PROC: variants seen among roughly 807,000 people sequenced by gnomAD.
PROC encodes the protein vitamin K-dependent protein C.
In PROC, 22 loss-of-function variants were observed where a neutral mutation model predicts 36.3. The observed-to-expected ratio is 0.61, with a 90% CI of 0.43 to 0.86. The LOEUF is 0.86. Among genes scored for constraint, PROC ranks in the 40% least tolerant of loss-of-function variants. The pLI, the probability that PROC is intolerant of heterozygous loss-of-function variation, is 0.00. For synonymous variants in PROC, 218 were observed against 244.5 expected, an observed-to-expected ratio of 0.89 and a Z score of 1.01; for missense variants, 526 against 629.7, an observed-to-expected ratio of 0.84 and a Z score of 1.76.
In PROC at chr2:127,419,937, T is replaced by C; in HGVS notation, c.-6T>C. 1 of 1,613,910 alleles carries C rather than the reference T, an allele frequency of 6.2e-7. No homozygotes were observed. Among genetic ancestry groups the C allele is most frequent in the Admixed American group, 1.7e-5 (1 of 60,024 alleles). On this transcript the variant is annotated 5_prime_UTR_variant, in exon 2 of 9. Coordinates refer to ENST00000234071, the MANE Select transcript of PROC (RefSeq NM_000312.4). ...TCCTCCTCAGACAGGTGCCAGTGCCTCCAGAATGTGGCAGCTCACAAGCCT... is the reference window on the plus strand; with the variant it reads ...TCCTCCTCAGACAGGTGCCAGTGCCCCCAGAATGTGGCAGCTCACAAGCCT...
intron 6 of PROC, chr2:127,423,649 C>T (rs1227255805): frequency 2.0e-6 from 1 of 509,934 alleles, no homozygotes; most frequent in Non-Finnish European, 3.1e-6. Context: ...TCCCCGCCTT[C>T]CTCCGGGCGC....
intron 3 of PROC, 102 bp from the exon 4 acceptor site, chr2:127,422,815 C>A: frequency 6.8e-7 from 1 of 1,463,600 alleles, no homozygotes; most frequent in Non-Finnish European, 9.2e-7. Context: ...TGTCTGGAAG[C>A]CCTCCCCTCC....
In PROC at chr2:127,420,951, C is replaced by T. The variant is rs2069917; in HGVS notation, c.71-332C>T. ...GGACTGTATTGGATGTTTTACATGA[C>T]GGTCTCATCCCCATGTTTTTGGATG... is the stretch of plus-strand genomic sequence containing the variant. On this transcript the variant is annotated intron_variant, in intron 2 of 8. Transcript: ENST00000234071. Among the ~76,000 whole-genome samples the T allele has an allele frequency of 9.2e-3, 1,406 of 152,268 alleles. 12 individuals are homozygous for T. Among genetic ancestry groups the T allele is most frequent in the African/African-American group, 0.032 (1,332 of 41,544 alleles).
chr2:127,425,473 G>A (rs1268443004), intron 6 of PROC, among the ~76,000 whole-genome samples: 1 of 152,116 alleles, frequency 6.6e-6, no homozygotes, highest in Non-Finnish European at 1.5e-5. Flanking sequence ...TGGCAGGGAG[G>A]CCTCACAAAC....
At chr2:127,423,664 T>G (rs1451344355) in intron 6 of PROC, 2 of 500,488 alleles carry the variant, frequency 4.0e-6, no homozygotes, top group East Asian at 3.7e-5. Context: ...GGGCGCCCCC[T>G]GCGCACCTGG....
In PROC at chr2:127,428,337, C is replaced by T; in HGVS notation, c.797-20C>T. ...AGAGGCTCCCCGCAGCCCACTCTGA[C>T]TGTGCCCTCTGCCCTGCAGGAGAGT... On this transcript the variant is annotated intron_variant, in intron 8 of 8. Transcript: ENST00000234071. The T allele has an allele frequency of 8.1e-6, 13 of 1,612,060 alleles. No individual in the cohort carries two copies. The highest frequency in any genetic ancestry group is 1.1e-5 in the Non-Finnish European group (13 of 1,179,004).
chr2:127,419,783 C>T (rs1362384076), intron 1 of PROC, 139 bp from the exon 2 acceptor site: 13 of 1,523,752 alleles, frequency 8.5e-6, no homozygotes, highest in Non-Finnish European at 1.1e-5. Context: ...ATGTCTCTAG[C>T]GAACAAGGAC....
At position 127,428,769 on chromosome 2, in the gene PROC, G is replaced by A; in HGVS notation, c.1209G>A (p.Gly403=). 1 of 1,612,916 alleles carries A rather than the reference G, an allele frequency of 6.2e-7. No individual in the cohort carries two copies. Among genetic ancestry groups the A allele is most frequent in the South Asian group, 1.1e-5 (1 of 91,080 alleles). Residue 403 remains glycine, a synonymous_variant, in exon 9 of 9, where the codon GGG becomes GGA. Transcript: ENST00000234071. ...AGGATGCCTGCGAGGGCGACAGTGG[G>A]GGGCCCATGGTCGCCTCCTTCCACG... ...DRQDACEGDS[G]GPMVASFHGT... is the part of the protein sequence containing the mutation.
chr2:127,426,381 G>A lies in PROC; in HGVS notation c.678+154G>A. On this transcript the variant is annotated intron_variant, in intron 7 of 8. Coordinates refer to ENST00000234071, the MANE Select transcript of PROC (RefSeq NM_000312.4). The surrounding 1 kb of genome is among the most constrained non-coding windows in gnomAD (Gnocchi z 7.0). ...GTGGGGGATGCTTCAGGGAAAGATG[G>A]ACGCAACCTGAGGGGAGAGGAGCAG... The A allele has an allele frequency of 8.8e-7, 1 of 1,142,340 alleles. No homozygotes were observed. Among genetic ancestry groups the A allele is most frequent in the Non-Finnish European group, 1.2e-6 (1 of 803,898 alleles). The allele number at this position is 1,142,340 out of a possible 1,614,324, so 70.8% of individuals were successfully genotyped here.
At chr2:127,422,882 C>A in intron 3 of PROC, 35 bp from the exon 4 acceptor site, 1 of 1,550,146 alleles carries the variant, frequency 6.5e-7, no homozygotes, top group Non-Finnish European at 8.7e-7. Context: ...CGCACACCGG[C>A]TGCAGGAGCC....
At chr2:127,424,512 T>G (rs995963782) in intron 6 of PROC, among the ~76,000 whole-genome samples, 42 of 152,200 alleles carry the variant, frequency 2.8e-4, no homozygotes, top group Admixed American at 2.8e-3. Flanking sequence ...TTCAGGGAAC[T>G]TTCTACAACT....
rs121918151 is a variant in PROC at position 127,428,426 on chromosome 2, C to T, written c.866C>T (p.Pro289Leu). Residue 289 changes from proline to leucine, a missense_variant, in exon 9 of 9, where the codon CCC becomes CTC. Physicochemically the swap from Pro to Leu is moderately conservative, Grantham distance 98. Transcript: ENST00000234071. ...DLDIKEVFVH[P>L]NYSKSTTDND... is the part of the protein sequence containing the mutation. ...GACATCAAGGAGGTCTTCGTCCACC[C>T]CAACTACAGCAAGAGCACCACCGAC... The T allele has an allele frequency of 5.6e-6, 9 of 1,614,186 alleles. No individual in the cohort carries two copies. Among genetic ancestry groups the T allele is most frequent in the Non-Finnish European group, 6.8e-6 (8 of 1,180,040 alleles).
chr2:127,422,976 G>C, intron 4 of PROC, 35 bp downstream of exon 4: 1 of 1,611,654 alleles, frequency 6.2e-7, no homozygotes, highest in African/African-American at 1.3e-5. Flanking sequence ...TGGACTACCG[G>C]CGCCCGCGCC....
At chr2:127,427,624 G>A (rs922898355) in intron 8 of PROC, among the ~76,000 whole-genome samples, 12 of 152,176 alleles carry the variant, frequency 7.9e-5, no homozygotes, top group African/African-American at 2.9e-4. Flanking sequence ...CTGTACAGAG[G>A]GAGCCCTAGC....
intron 8 of PROC, 86 bp from the exon 9 acceptor site, chr2:127,428,271 G>T (rs1688654006): frequency 6.1e-6 from 8 of 1,317,976 alleles, no homozygotes; most frequent in Non-Finnish European, 8.6e-6. Flanking sequence ...AGGCCTGCAG[G>T]GGCACAGCAG....
chr2:127,419,130 G>A (rs2069907), intron 1 of PROC, among the ~76,000 whole-genome samples: 9,986 of 152,178 alleles, frequency 0.066, 424 homozygotes, highest in African/African-American at 0.11. Context: ...GGAGGATGGG[G>A]GACAGAATCT....
Position 127,426,269 on chromosome 2 carries a change from G to A in PROC, c.678+42G>A, listed in dbSNP as rs1345052106. On this transcript the variant is annotated intron_variant, in intron 7 of 8. Coordinates refer to ENST00000234071, the MANE Select transcript of PROC (RefSeq NM_000312.4). This position sits in a 1 kb window ranked among gnomAD's most constrained non-coding sequence, Gnocchi z 7.0. ...CACCGGCTGCTCACGTGCTGGGTCC[G>A]GGATCACTGAGTCCATCCTGGCAGC... 7.4e-6 allele frequency: 12 copies of A among 1,613,230 alleles called. No individual in the cohort carries two copies. Among genetic ancestry groups the A allele is most frequent in the East Asian group, 6.7e-5 (3 of 44,874 alleles).
Position 127,428,370 on chromosome 2 carries a change from G to C in PROC, c.810G>C (p.Leu270=), listed in dbSNP as rs371007615. The C allele has an allele frequency of 2.5e-5, 40 of 1,614,028 alleles. 1 individual carries two copies. In the East Asian group the frequency reaches 3.3e-4, roughly 13 times the overall value. ...TCTGCCCTGCAGGAGAGTATGACCTGCGGCGCTGGGAGAAGTGGGAGCTGG... is the reference window on the plus strand; with the variant it reads ...TCTGCCCTGCAGGAGAGTATGACCTCCGGCGCTGGGAGAAGTGGGAGCTGG... The part of the protein sequence containing the change: ...KLLVRLGEYD[L]RRWEKWELDL... The change falls in exon 9 of 9, where the codon CTG becomes CTC. Residue 270 remains leucine (L), a synonymous_variant. Transcript: ENST00000234071.
intron 1 of PROC, 52 bp from the exon 2 acceptor site, chr2:127,419,870 G>A (rs1046086074): frequency 5.0e-6 from 8 of 1,612,846 alleles, no homozygotes; most frequent in Middle Eastern, 1.7e-4. Context: ...GGGGGTGCAG[G>A]CAGAGCAGCA....
Sources: allele counts gnomAD v4.1 joint callset (sites outside exome capture counted in the v4.1 genomes callset), GRCh38; gene constraint gnomAD v4.1.1; non-coding constraint Gnocchi (gnomAD v3.1); transcripts MANE v1.5; gene names NCBI Gene and HGNC (gene_info 2026-07-23, HGNC 2026-07-21).